CKAP5: variants seen among roughly 807,000 people sequenced by gnomAD.
CKAP5 encodes cytoskeleton associated protein 5, also known as cytoskeleton-associated protein 5.
In CKAP5, 27 loss-of-function variants were observed where a neutral mutation model predicts 232.8. That is an observed-to-expected ratio of 0.12 (90% confidence interval 0.09 to 0.16). The LOEUF is 0.16. Ranked by LOEUF, CKAP5 falls within the 10% of genes least tolerant of loss-of-function variation. The pLI, the probability that CKAP5 is intolerant of heterozygous loss-of-function variation, is 1.00. For synonymous variants in CKAP5, 785 were observed against 841.1 expected (o/e 0.93, Z 1.16); for missense variants, 1,838 against 2,424.7 (o/e 0.76, Z 5.08).
intron 7 of CKAP5, among the ~76,000 whole-genome samples, chr11:46,808,595 T>C (rs1434502855): frequency 6.6e-6 from 1 of 152,212 alleles, no homozygotes; most frequent in East Asian, 1.9e-4. Flanking sequence ...CAGAACATTT[T>C]GTTCATATAT....
intron 8 of CKAP5, 139 bp from the exon 9 acceptor site, chr11:46,801,443 G>A (rs1156965181): frequency 3.5e-6 from 2 of 576,404 alleles, no homozygotes; most frequent in African/African-American, 1.9e-5. Flanking sequence ...GCCAAGGTGG[G>A]TGGACCACCT....
intron 13 of CKAP5, among the ~76,000 whole-genome samples, chr11:46,792,411 G>C (rs1191674066): frequency 6.6e-6 from 1 of 152,104 alleles, no homozygotes; most frequent in Non-Finnish European, 1.5e-5. Context: ...AAATTAGCCA[G>C]GCGTGGTGGC....
At chr11:46,748,763 T>C (rs2065040734) in intron 42 of CKAP5, among the ~76,000 whole-genome samples, 1 of 151,860 alleles carries the variant, frequency 6.6e-6, no homozygotes, top group Non-Finnish European at 1.5e-5. Context: ...AGCGAGACTG[T>C]CTCAAAACAA....
intron 8 of CKAP5, among the ~76,000 whole-genome samples, chr11:46,803,136 C>T (rs1201298044): frequency 3.3e-5 from 5 of 151,652 alleles, no homozygotes; most frequent in Non-Finnish European, 5.9e-5. Flanking sequence ...TGGTGGCATG[C>T]GCCTGTAGTC....
intron 5 of CKAP5, 74 bp downstream of exon 5, chr11:46,810,933 T>A: frequency 7.8e-7 from 1 of 1,288,972 alleles, no homozygotes; most frequent in Non-Finnish European, 1.1e-6. Flanking sequence ...AAGGACAGAA[T>A]ATCAACAACG....
At chr11:46,745,493 A>T (rs1394374195) in intron 42 of CKAP5, among the ~76,000 whole-genome samples, 1 of 152,222 alleles carries the variant, frequency 6.6e-6, no homozygotes, top group Non-Finnish European at 1.5e-5. Flanking sequence ...GTTTAGGCCA[A>T]AATTATCACA....
chr11:46,780,517 A>G (rs1292666794), intron 18 of CKAP5, 32 bp from the exon 19 acceptor site: 16 of 1,577,672 alleles, frequency 1.0e-5, no homozygotes, highest in Non-Finnish European at 1.4e-5. Context: ...AAAAGCAAAC[A>G]AATGAAACCC....
At chr11:46,817,112 G>C (rs932873241) in intron 3 of CKAP5, among the ~76,000 whole-genome samples, 1 of 107,146 alleles carries the variant, frequency 9.3e-6, no homozygotes, top group African/African-American at 3.4e-5. Flanking sequence ...GTATCAAAAA[G>C]AAAAAAAAAA....
At chr11:46,820,227 C>T (rs774944939) in intron 2 of CKAP5, among the ~76,000 whole-genome samples, 10 of 152,046 alleles carry the variant, frequency 6.6e-5, no homozygotes, top group African/African-American at 9.7e-5. Flanking sequence ...AATTTCTATG[C>T]GAATTAGAAT....
chr11:46,798,258 A>G, intron 9 of CKAP5, 86 bp from the exon 10 acceptor site: 5 of 970,738 alleles, frequency 5.2e-6, no homozygotes, highest in Non-Finnish European at 6.5e-6. Context: ...GAACCTTAAA[A>G]ATAGTATGCT....
chr11:46,796,073 G>A (rs1938866969), intron 12 of CKAP5, among the ~76,000 whole-genome samples: 1 of 148,040 alleles, frequency 6.8e-6, no homozygotes, highest in South Asian at 2.1e-4. Flanking sequence ...GCTGAGGCAC[G>A]AAAATCATTT....
rs2065002267 is a variant in CKAP5, at chr11:46,743,834, A to G, written c.*189T>C. The stretch of plus-strand genomic sequence containing the variant: ...TCATCCACGGACAGTCTTCTAGAGC[A>G]GCAGGACGCTGACAGAGAGAAGCAG... On this transcript the variant is annotated 3_prime_UTR_variant, in exon 44 of 44. Coordinates refer to ENST00000529230, the MANE Select transcript of CKAP5 (RefSeq NM_001008938.4). 7.4e-6 allele frequency: 5 copies of G among 674,758 alleles called. No individual in the cohort carries two copies. The highest frequency in any genetic ancestry group is 2.9e-5 in the Admixed American group (1 of 34,986). The allele number at this position is 674,758 out of a possible 1,614,324, so 41.8% of individuals were successfully genotyped here.
intron 4 of CKAP5, among the ~76,000 whole-genome samples, chr11:46,811,952 G>A (rs1240881335): frequency 1.3e-5 from 2 of 152,062 alleles, no homozygotes; most frequent in Admixed American, 6.6e-5. Flanking sequence ...CTGACTTTGT[G>A]GCTATCACAC....
intron 26 of CKAP5, among the ~76,000 whole-genome samples, chr11:46,769,243 T>C (rs1240209097): frequency 1.3e-5 from 2 of 152,150 alleles, no homozygotes; most frequent in Non-Finnish European, 2.9e-5. Flanking sequence ...AATATCAGGA[T>C]AAAGAAATCA....
chr11:46,762,745 A>T lies in CKAP5; in HGVS notation c.3909T>A (p.Asp1303Glu), dbSNP rs1460668224. ...YLVVKVGEPK[D>E]VIRKDVRAIL... is the part of the protein sequence containing the mutation. The stretch of plus-strand genomic sequence containing the variant: ...TGGCACGAACATCTTTACGAATGAC[A>T]TCCTTTGGTTCTCCAACCTAGTCGA... The change falls in exon 31 of 44, where the codon GAT becomes GAA. Residue 1303 changes from aspartate to glutamate, a missense_variant. By Grantham distance (45) the Asp-to-Glu change is conservative (BLOSUM62 2). Coordinates refer to ENST00000529230, the MANE Select transcript of CKAP5 (RefSeq NM_001008938.4). 6.2e-7 allele frequency: 1 copy of T among 1,614,004 alleles called. No individual in the cohort carries two copies. Among genetic ancestry groups the T allele is most frequent in the Non-Finnish European group, 8.5e-7 (1 of 1,179,936 alleles).
chr11:46,782,531 C>A (rs1315682027), intron 18 of CKAP5, among the ~76,000 whole-genome samples: 1 of 151,980 alleles, frequency 6.6e-6, no homozygotes, highest in Non-Finnish European at 1.5e-5. Flanking sequence ...CTCAAAATAC[C>A]CTTTTACAAG....
chr11:46,805,990 G>T (rs1350755288), intron 8 of CKAP5, among the ~76,000 whole-genome samples: 1 of 152,140 alleles, frequency 6.6e-6, no homozygotes, highest in Non-Finnish European at 1.5e-5. Flanking sequence ...AAGGCAAAAA[G>T]AAAAGAAAAT....
Position 46,790,164 on chromosome 11 carries a change from G to A in CKAP5, c.1787C>T (p.Ala596Val), listed in dbSNP as rs772269008. The A allele has an allele frequency of 1.9e-6, 3 of 1,607,774 alleles. No individual in the cohort carries two copies. Among genetic ancestry groups the A allele is most frequent in the Non-Finnish European group, 2.6e-6 (3 of 1,175,308 alleles). ...ACAGGTAGGGGGAAGAACAGCTGAA[G>A]CTTTTTCTTCACATACTTCTATCTG... ...ELSIEVCEEK[A>V]SAVLPPTCIQ... The change falls in exon 15 of 44, where the codon GCT becomes GTT. Residue 596 changes from alanine to valine, a missense_variant. Physicochemically the swap from Ala to Val is moderately conservative, Grantham distance 64. Coordinates refer to ENST00000529230, the MANE Select transcript of CKAP5 (RefSeq NM_001008938.4).
chr11:46,811,560 T>C (rs1939275594), intron 4 of CKAP5, among the ~76,000 whole-genome samples: 1 of 152,188 alleles, frequency 6.6e-6, no homozygotes, highest in Non-Finnish European at 1.5e-5. Context: ...CACTGCAACC[T>C]CTGCCTCCTG....
Sources: gnomAD v4.1 joint callset for allele counts (sites outside exome capture counted in the v4.1 genomes callset) on GRCh38, gnomAD v4.1.1 for gene constraint, MANE v1.5 for transcripts, NCBI Gene and HGNC (gene_info 2026-07-23, HGNC 2026-07-21) for gene names.